Variants in SUPT3H observed in about 807,000 individuals in gnomAD.
The protein encoded by SUPT3H is transcription initiation protein SPT3 homolog.
SUPT3H carries 44 observed loss-of-function variants against 44.3 expected under a neutral mutation model. The observed-to-expected ratio is 0.99, with a 90% confidence interval of 0.78 to 1.28. SUPT3H has a LOEUF of 1.28. SUPT3H is among the 50% of genes most tolerant of loss of function. The pLI, the probability that SUPT3H is intolerant of heterozygous loss-of-function variation, is 0.00. For synonymous variants in SUPT3H, 124 were observed against 125.6 expected (o/e 0.99, Z 0.09); for missense variants, 380 against 387.1 (o/e 0.98, Z 0.15).
At chr6:45,316,407 A>T (rs1784709383) in intron 2 of SUPT3H, among the ~76,000 whole-genome samples, 1 of 23,664 alleles carries the variant, frequency 4.2e-5, no homozygotes. Flanking sequence ...AATAACTCCT[A>T]TAAAAAGCAA....
At chr6:45,183,611 G>A (rs1191611300) in intron 2 of SUPT3H, among the ~76,000 whole-genome samples, 1 of 152,112 alleles carries the variant, frequency 6.6e-6, no homozygotes, top group Non-Finnish European at 1.5e-5. Flanking sequence ...AGCCATTCAG[G>A]AGGGATCCCA....
At chr6:45,002,270 G>A (rs1180279767) in intron 6 of SUPT3H, among the ~76,000 whole-genome samples, 4 of 152,010 alleles carry the variant, frequency 2.6e-5, no homozygotes, top group Non-Finnish European at 4.4e-5. Flanking sequence ...AGTTTTCTAG[G>A]TCTACAGTAG....
At chr6:45,068,866 C>G (rs1793889825) in intron 3 of SUPT3H, among the ~76,000 whole-genome samples, 1 of 151,774 alleles carries the variant, frequency 6.6e-6, no homozygotes, top group Admixed American at 6.6e-5. Context: ...GTATGAATTA[C>G]TAATCAGTAG....
At chr6:45,145,039 C>T (rs1010021498) in intron 2 of SUPT3H, among the ~76,000 whole-genome samples, 5 of 152,062 alleles carry the variant, frequency 3.3e-5, no homozygotes, top group African/African-American at 1.2e-4. Context: ...AATAGAAACA[C>T]ATCCCATGCT....
intron 3 of SUPT3H, among the ~76,000 whole-genome samples, chr6:45,094,594 C>A (rs1353031456): frequency 6.6e-6 from 1 of 152,004 alleles, no homozygotes; most frequent in Non-Finnish European, 1.5e-5. Flanking sequence ...CTATCCATGG[C>A]AATTGGTGGG....
chr6:45,139,297 G>T (rs1804797539), intron 2 of SUPT3H, among the ~76,000 whole-genome samples: 1 of 152,068 alleles, frequency 6.6e-6, no homozygotes, highest in Non-Finnish European at 1.5e-5. Flanking sequence ...AACAATTATT[G>T]TGTGCTAAAA....
At chr6:45,172,045 T>A (rs1810885562) in intron 2 of SUPT3H, among the ~76,000 whole-genome samples, 1 of 149,086 alleles carries the variant, frequency 6.7e-6, no homozygotes, top group African/African-American at 2.5e-5. Context: ...GTGATGGCAT[T>A]CCAATGGAAT....
chr6:44,890,698 T>C (rs1218807252), intron 10 of SUPT3H, among the ~76,000 whole-genome samples: 1 of 150,560 alleles, frequency 6.6e-6, no homozygotes, highest in African/African-American at 2.4e-5. Context: ...GCATGGCACA[T>C]GTATGCATAT....
chr6:45,181,046 G>A (rs1432362501), intron 2 of SUPT3H, among the ~76,000 whole-genome samples: 4 of 151,794 alleles, frequency 2.6e-5, no homozygotes, highest in Middle Eastern at 3.2e-3. Flanking sequence ...CCATCAAAAA[G>A]TGGGTGAAGG....
At chr6:45,017,222 T>A (rs1297955582) in intron 4 of SUPT3H, among the ~76,000 whole-genome samples, 1 of 150,320 alleles carries the variant, frequency 6.7e-6, no homozygotes, top group Non-Finnish European at 1.5e-5. Flanking sequence ...TTTGTTTGAG[T>A]TCATTGTAGA....
intron 2 of SUPT3H, among the ~76,000 whole-genome samples, chr6:45,280,559 A>C (rs1285160469): frequency 3.9e-5 from 6 of 152,194 alleles, no homozygotes; most frequent in Non-Finnish European, 5.9e-5. Flanking sequence ...TCAGCTTATC[A>C]TTAAAAAACA....
Position 45,020,721 on chromosome 6 carries a change from A to G in SUPT3H, c.187-89T>C, listed in dbSNP as rs3778508. 505 of 830,666 alleles carry G rather than the reference A, an allele frequency of 6.1e-4. 4 individuals are homozygous for G. The East Asian group carries it at 9.0e-3, about 15-fold the overall frequency. The allele number at this position is 830,666 out of a possible 1,614,324, so 51.5% of individuals were successfully genotyped here. On this transcript the variant is annotated intron_variant, in intron 3 of 10. Coordinates refer to ENST00000371459, the MANE Select transcript of SUPT3H (RefSeq NM_003599.4). The stretch of plus-strand genomic sequence containing the variant: ...ATGTCTCTAAAGAGATAAATATACT[A>G]AGAGTTAAAAACCTTTGGGAAATAA...
intron 2 of SUPT3H, among the ~76,000 whole-genome samples, chr6:45,157,357 A>G (rs1807998801): frequency 1.3e-5 from 2 of 152,076 alleles, no homozygotes; most frequent in South Asian, 4.2e-4. Context: ...ATCAGATCAT[A>G]CATTTATAAT....
chr6:45,193,579 G>T (rs1815499979), intron 2 of SUPT3H, among the ~76,000 whole-genome samples: 1 of 152,098 alleles, frequency 6.6e-6, no homozygotes, highest in Admixed American at 6.6e-5. Flanking sequence ...AGCTGGGCAT[G>T]GTGACGGGCA....
At chr6:44,812,876 G>A (rs964959857) in intron 11 of SUPT3H, among the ~76,000 whole-genome samples, 1 of 152,172 alleles carries the variant, frequency 6.6e-6, no homozygotes, top group African/African-American at 2.4e-5. Context: ...AGAGAAATAA[G>A]TCTATAATTC....
intron 3 of SUPT3H, among the ~76,000 whole-genome samples, chr6:45,035,062 G>A (rs1471418044): frequency 2.0e-5 from 3 of 152,072 alleles, no homozygotes; most frequent in Non-Finnish European, 4.4e-5. Context: ...GTTTAATATA[G>A]TTTCTATGGA....
chr6:45,120,947 T>G (rs933044056), intron 2 of SUPT3H, among the ~76,000 whole-genome samples: 5 of 152,152 alleles, frequency 3.3e-5, no homozygotes, highest in Non-Finnish European at 5.9e-5. Flanking sequence ...AGAACAATAA[T>G]AAGTATAGGT....
In SUPT3H at chr6:44,954,543, A is replaced by G. The variant is rs1329302525; in HGVS notation, c.645T>C (p.Val215=). 6.2e-7 allele frequency: 1 copy of G among 1,614,084 alleles called. No individual in the cohort carries two copies. The highest frequency in any genetic ancestry group is 1.3e-5 in the African/African-American group (1 of 74,952). The change falls in exon 8 of 11, where the codon GTT becomes GTC. Residue 215 remains valine, a synonymous_variant. Transcript: ENST00000371459. ...AATATGCTAAGATTTCCATTGCGACAACATTGGGTTTTATCTCCATACTGC... is the reference window on the plus strand; with the variant it reads ...AATATGCTAAGATTTCCATTGCGACGACATTGGGTTTTATCTCCATACTGC... The part of the protein sequence containing the change: ...DCSSMEIKPN[V]VAMEILAYLA...
chr6:45,343,713 TGAA>T (rs1243970454), intron 2 of SUPT3H, among the ~76,000 whole-genome samples: 1 of 152,174 alleles, frequency 6.6e-6, no homozygotes, highest in East Asian at 1.9e-4. Context: ...AAAGCCTTGA[TGAA>T]GTTTAAAAAT....
Sources: allele counts gnomAD v4.1 joint callset (sites outside exome capture counted in the v4.1 genomes callset), GRCh38; gene constraint gnomAD v4.1.1; transcripts MANE v1.5; gene names NCBI Gene and HGNC (gene_info 2026-07-23, HGNC 2026-07-21).